PLEKHA5: variants seen among roughly 807,000 people sequenced by gnomAD.
The protein encoded by PLEKHA5 is pleckstrin homology domain-containing family A member 5.
A neutral mutation model predicts 181.9 loss-of-function variants in PLEKHA5; 55 were observed. The observed-to-expected ratio is 0.30, with a 90% CI of 0.24 to 0.38. The LOEUF is 0.38. Among genes scored for constraint, PLEKHA5 ranks in the 10% least tolerant of loss-of-function variants. PLEKHA5 has a pLI of 1.00. For missense variants in PLEKHA5, 1,432 were observed against 1,549.5 expected (o/e 0.92, Z 1.27); for synonymous variants, 535 against 529.4 (o/e 1.01, Z -0.15).
At chr12:19,323,633 A>G (rs1450172512) in intron 20 of PLEKHA5, among the ~76,000 whole-genome samples, 1 of 152,000 alleles carries the variant, frequency 6.6e-6, no homozygotes, top group African/African-American at 2.4e-5. Context: ...CCTGGCCAAC[A>G]TGGTGAAACC....
chr12:19,181,039 T>TA (rs11285788), intron 3 of PLEKHA5, among the ~76,000 whole-genome samples: 55 of 146,930 alleles, frequency 3.7e-4, no homozygotes, highest in African/African-American at 4.7e-4. Context: ...GTTGAAATTG[T>TA]AAAAAAAAAA....
intron 3 of PLEKHA5, among the ~76,000 whole-genome samples, chr12:19,157,064 A>C (rs1160013156): frequency 7.0e-6 from 1 of 142,368 alleles, no homozygotes; most frequent in East Asian, 2.1e-4. Flanking sequence ...TCCAAAAAAA[A>C]CCATATATAT....
chr12:19,246,270 G>A (rs576302350), intron 3 of PLEKHA5, among the ~76,000 whole-genome samples: 55 of 151,586 alleles, frequency 3.6e-4, no homozygotes, highest in Non-Finnish European at 6.9e-4. Context: ...GAGCCACTGC[G>A]CCTGGCTTGC....
intron 18 of PLEKHA5, among the ~76,000 whole-genome samples, chr12:19,321,277 C>T (rs955992295): frequency 6.7e-6 from 1 of 148,764 alleles, no homozygotes. Flanking sequence ...AATTTAGTTT[C>T]TTTTAAATCA....
chr12:19,341,541 T>C (rs376402883), intron 21 of PLEKHA5, among the ~76,000 whole-genome samples: 2 of 152,106 alleles, frequency 1.3e-5, no homozygotes, highest in African/African-American at 2.4e-5. Flanking sequence ...GCATGGGTAC[T>C]TTCTTTTTTT....
At chr12:19,318,955 C>T (rs2089924338) in intron 16 of PLEKHA5, among the ~76,000 whole-genome samples, 1 of 152,130 alleles carries the variant, frequency 6.6e-6, no homozygotes, top group Non-Finnish European at 1.5e-5. Flanking sequence ...TATATTTGAA[C>T]ATCTTAGTAG....
intron 13 of PLEKHA5, among the ~76,000 whole-genome samples, chr12:19,289,130 T>C (rs2077850527): frequency 6.6e-6 from 1 of 152,204 alleles, no homozygotes; most frequent in Non-Finnish European, 1.5e-5. Context: ...CGAGATAGGA[T>C]TGGCATCAGA....
chr12:19,297,753 ATT>A (rs36109060), intron 15 of PLEKHA5, among the ~76,000 whole-genome samples: 4,439 of 139,004 alleles, frequency 0.032, 96 homozygotes, highest in Non-Finnish European at 0.049. Flanking sequence ...GTAAATTATT[ATT>A]TTTTTTTTTT....
chr12:19,137,238 C>T (rs972342166), intron 3 of PLEKHA5, among the ~76,000 whole-genome samples: 12 of 152,054 alleles, frequency 7.9e-5, no homozygotes, highest in African/African-American at 2.4e-4. Context: ...GGTTTCGCCA[C>T]GTTGGCCAGG....
chr12:19,280,855 C>T (rs1276715891), intron 11 of PLEKHA5, among the ~76,000 whole-genome samples: 2 of 151,834 alleles, frequency 1.3e-5, no homozygotes, highest in East Asian at 1.9e-4. Flanking sequence ...GAACTACAGG[C>T]GTGCGTCACC....
At chr12:19,156,787 G>A (rs1002772) in intron 3 of PLEKHA5, among the ~76,000 whole-genome samples, 83,270 of 151,220 alleles carry the variant, frequency 0.55, 26,877 homozygotes, top group Non-Finnish European at 0.74. Context: ...GCTCACGCCT[G>A]TAGTCCCTGC....
At chr12:19,158,282 G>C (rs999394820) in intron 3 of PLEKHA5, among the ~76,000 whole-genome samples, 1 of 152,046 alleles carries the variant, frequency 6.6e-6, no homozygotes, top group African/African-American at 2.4e-5. Context: ...GAACCCAGGA[G>C]GTGGAGCTTG....
chr12:19,220,391 C>T (rs1246863356), intron 3 of PLEKHA5, among the ~76,000 whole-genome samples: 3 of 151,924 alleles, frequency 2.0e-5, no homozygotes, highest in Non-Finnish European at 4.4e-5. Context: ...TTGCAGTCTG[C>T]GTCATTAAGT....
intron 3 of PLEKHA5, among the ~76,000 whole-genome samples, chr12:19,145,399 A>G (rs569115202): frequency 1.3e-5 from 2 of 151,820 alleles, no homozygotes; most frequent in African/African-American, 4.8e-5. Context: ...TTTCCCTTCT[A>G]CCCCATACTC....
intron 11 of PLEKHA5, among the ~76,000 whole-genome samples, chr12:19,276,973 A>G (rs2074723397): frequency 6.6e-6 from 1 of 152,244 alleles, no homozygotes. Context: ...ACAATTAGGC[A>G]TTATTTTTCA....
At chr12:19,362,709 A>C (rs992030392) in intron 29 of PLEKHA5, among the ~76,000 whole-genome samples, 2 of 152,084 alleles carry the variant, frequency 1.3e-5, no homozygotes, top group African/African-American at 4.8e-5. Flanking sequence ...GCAGTGAGCC[A>C]TGATCACGTT....
chr12:19,296,833 A>C (rs1032063293), intron 15 of PLEKHA5, among the ~76,000 whole-genome samples: 1 of 152,210 alleles, frequency 6.6e-6, no homozygotes, highest in African/African-American at 2.4e-5. Context: ...TGATCCAGGC[A>C]TGAAAGGAGT....
chr12:19,360,752 A>G (rs974056223), intron 28 of PLEKHA5, among the ~76,000 whole-genome samples: 27 of 128,152 alleles, frequency 2.1e-4, no homozygotes, highest in Non-Finnish European at 4.3e-4. Context: ...GGTCTTAGCA[A>G]TATGCACCAT....
chr12:19,270,695 C>T (rs1246600300), intron 10 of PLEKHA5, among the ~76,000 whole-genome samples: 17 of 152,162 alleles, frequency 1.1e-4, no homozygotes, highest in Non-Finnish European at 5.9e-5. Context: ...AATATATATT[C>T]CTGTAATTCG....
Sources: gnomAD v4.1 joint callset for allele counts (sites outside exome capture counted in the v4.1 genomes callset) on GRCh38, gnomAD v4.1.1 for gene constraint, MANE v1.5 for transcripts, NCBI Gene and HGNC (gene_info 2026-07-23, HGNC 2026-07-21) for gene names.